Variants in PRKAR1A observed in about 807,000 individuals in gnomAD.
PRKAR1A encodes cAMP-dependent protein kinase type I-alpha regulatory subunit.
Under a neutral mutation model 52.0 loss-of-function variants are expected in PRKAR1A, and 3 were observed. The ratio of observed to expected loss-of-function variants is 0.06; its 90% CI spans 0.03 to 0.15. The LOEUF (loss-of-function observed/expected upper bound fraction) is 0.15. PRKAR1A is among the 10% of genes least tolerant of loss of function. The pLI is 1.00. For synonymous variants in PRKAR1A, 188 were observed against 168.4 expected, an observed-to-expected ratio of 1.12 and a Z score of -0.90; for missense variants, 240 against 477.4, an observed-to-expected ratio of 0.50 and a Z score of 4.63.
chr17:68,532,084 AT>A lies in PRKAR1A; in HGVS notation c.*1638del. On this transcript the variant is annotated 3_prime_UTR_variant, in exon 11 of 11. Coordinates refer to ENST00000589228, the MANE Select transcript of PRKAR1A (RefSeq NM_002734.5). The stretch of plus-strand genomic sequence containing the variant: ...AGTATAAATCTGGGGAAGAGGTTTT[AT>A]TTACATTTTAGGGTGGGTAAGAAAG... The A allele has an allele frequency of 9.4e-7, 1 of 1,065,196 alleles. No individual in the cohort carries two copies. Among genetic ancestry groups the A allele is most frequent in the Non-Finnish European group, 1.1e-6 (1 of 879,000 alleles). 66.0% of individuals were successfully genotyped at this position (1,065,196 alleles called of 1,614,324 possible).
chr17:68,497,099 C>T, the PRKAR1A span, among the ~76,000 whole-genome samples: 1 of 152,276 alleles, frequency 6.6e-6, no homozygotes, highest in African/African-American at 2.4e-5. Flanking sequence ...TCTGGGATTA[C>T]AGGCGTGAGC....
chr17:68,537,311 A>G (rs1444478511), downstream of PRKAR1A: 1 of 880,376 alleles, frequency 1.1e-6, no homozygotes, highest in Non-Finnish European at 1.8e-6. The surrounding 1 kb of genome is among the most constrained non-coding windows in gnomAD (Gnocchi z 4.2). Context: ...CAAGGAGTAA[A>G]GATTCAGTTC....
At chr17:68,428,882 C>T in the PRKAR1A span, 1 of 1,614,158 alleles carries the variant, frequency 6.2e-7, no homozygotes. Context: ...CCAAATTGTA[C>T]ATATAAAGGT....
the PRKAR1A span, among the ~76,000 whole-genome samples, chr17:68,467,350 A>T: frequency 6.6e-6 from 1 of 152,334 alleles, no homozygotes; most frequent in Middle Eastern, 3.4e-3. Context: ...TGTTTTTCAT[A>T]GCAGCTGAAC....
At chr17:68,551,150 C>A in exon 12 of PRKAR1A, 1 of 1,232,068 alleles carries the variant, frequency 8.1e-7, no homozygotes, top group East Asian at 3.2e-5. Context: ...CTCTAGGAGA[C>A]CCTAACCTGT....
the PRKAR1A span, chr17:68,427,339 C>T: frequency 9.8e-7 from 1 of 1,020,462 alleles, no homozygotes; most frequent in South Asian, 1.4e-5. Context: ...CATGAAGAAG[C>T]CTGTGCTCAG....
At chr17:68,427,051 G>A in the PRKAR1A span, 4 of 1,160,094 alleles carry the variant, frequency 3.4e-6, no homozygotes, top group Non-Finnish European at 3.8e-6. Context: ...TAACAGTGAA[G>A]GGGGAAGGGG....
the PRKAR1A span, among the ~76,000 whole-genome samples, chr17:68,429,246 CAT>C: frequency 6.6e-6 from 1 of 152,318 alleles, no homozygotes; most frequent in South Asian, 2.1e-4. Flanking sequence ...CTCCCTCTGA[CAT>C]GTGTCTCTGC....
intron 5 of PRKAR1A, 25 bp from the exon 6 acceptor site, chr17:68,524,887 T>G: frequency 6.4e-7 from 1 of 1,570,646 alleles, no homozygotes; most frequent in Non-Finnish European, 8.8e-7. Context: ...TGGAATATGC[T>G]TCTAACTTTT....
intron 2 of PRKAR1A, among the ~76,000 whole-genome samples, chr17:68,519,606 T>C (rs1187304760): frequency 6.6e-6 from 1 of 152,228 alleles, no homozygotes; most frequent in African/African-American, 2.4e-5. Context: ...TACAGTCATA[T>C]TCTCATCACC....
upstream of PRKAR1A, among the ~76,000 whole-genome samples, chr17:68,509,426 A>G (rs1022756770): frequency 6.6e-6 from 1 of 152,174 alleles, no homozygotes; most frequent in African/African-American, 2.4e-5. Flanking sequence ...TGGGCCTCCT[A>G]GAGTGATGGG....
chr17:68,471,833 CTT>C, the PRKAR1A span, among the ~76,000 whole-genome samples: 7 of 152,000 alleles, frequency 4.6e-5, no homozygotes, highest in African/African-American at 1.7e-4. Context: ...CAGAGTCTTG[CTT>C]TGTTGCCCAG....
At chr17:68,550,529 C>T (rs2086790294) in intron 11 of PRKAR1A, among the ~76,000 whole-genome samples, 1 of 151,986 alleles carries the variant, frequency 6.6e-6, no homozygotes, top group Non-Finnish European at 1.5e-5. Flanking sequence ...TGCATACACG[C>T]ACCACCATAC....
chr17:68,427,082 G>T, the PRKAR1A span: 2 of 1,455,488 alleles, frequency 1.4e-6, no homozygotes, highest in Non-Finnish European at 1.9e-6. Context: ...CAGGGAGAAG[G>T]GGAGGGAGGT....
At chr17:68,435,539 G>T in the PRKAR1A span, 2 of 1,372,502 alleles carry the variant, frequency 1.5e-6, no homozygotes, top group Non-Finnish European at 2.1e-6. Context: ...CATGTCACCA[G>T]GTTTGTTCAA....
In PRKAR1A at chr17:68,530,529, G is replaced by T; in HGVS notation, c.*80G>T. On this transcript the variant is annotated 3_prime_UTR_variant, in exon 11 of 11. Transcript: ENST00000589228. ...GCAAACTGCTTTATTTTCCCTACTT[G>T]CAGCGCCAAGTGGCCACTGGCATCG... is the stretch of plus-strand genomic sequence containing the variant. 6.2e-7 allele frequency: 1 copy of T among 1,611,174 alleles called. No homozygotes were observed.
intron 11 of PRKAR1A, among the ~76,000 whole-genome samples, chr17:68,544,338 C>A (rs138510095): frequency 6.6e-6 from 1 of 152,238 alleles, no homozygotes; most frequent in East Asian, 1.9e-4. Context: ...CTAATGAATT[C>A]CTGAAAAGCG....
the PRKAR1A span, among the ~76,000 whole-genome samples, chr17:68,439,367 G>A: frequency 2.0e-5 from 3 of 152,164 alleles, no homozygotes; most frequent in Non-Finnish European, 4.4e-5. Context: ...TGTGAAAGAA[G>A]TCAGTCACAA....
downstream of PRKAR1A, chr17:68,536,858 T>C: frequency 6.6e-6 from 3 of 454,164 alleles, no homozygotes; most frequent in Non-Finnish European, 1.3e-5. Flanking sequence ...TCTTAGCAAA[T>C]CCCTCTTTTA....
Sources: gnomAD v4.1 joint callset for allele counts (sites outside exome capture counted in the v4.1 genomes callset) on GRCh38, gnomAD v4.1.1 for gene constraint, Gnocchi (gnomAD v3.1) non-coding constraint, MANE v1.5 for transcripts, NCBI Gene and HGNC (gene_info 2026-07-23, HGNC 2026-07-21) for gene names.